DDA1: variants seen among roughly 807,000 people sequenced by gnomAD.
DDA1 encodes the protein DET1 and DDB1 associated 1, also known as DET1- and DDB1-associated protein 1.
A neutral mutation model predicts 18.6 loss-of-function variants in DDA1; 3 were observed. The ratio of observed to expected loss-of-function variants is 0.16; its 90% confidence interval spans 0.07 to 0.42. The LOEUF (loss-of-function observed/expected upper bound fraction) is 0.42. Ranked by LOEUF, DDA1 falls within the 10% of genes least tolerant of loss-of-function variation. The pLI, the probability that DDA1 is intolerant of heterozygous loss-of-function variation, is 0.99. For missense variants in DDA1, 105 were observed against 138.2 expected (o/e 0.76, Z 1.20); for synonymous variants, 52 against 54.0 (o/e 0.96, Z 0.17).
chr19:17,317,668 T>TAAA (rs34303101), intron 4 of DDA1, among the ~76,000 whole-genome samples: 11 of 97,722 alleles, frequency 1.1e-4, no homozygotes, highest in African/African-American at 1.5e-4. Flanking sequence ...ACTCCATCAC[T>TAAA]AAAAAAAAAA....
chr19:17,315,120 C>T (rs1332195942), intron 3 of DDA1, among the ~76,000 whole-genome samples: 3 of 108,992 alleles, frequency 2.8e-5, no homozygotes, highest in African/African-American at 1.6e-4. Flanking sequence ...TATACACACA[C>T]GTATATATAC....
chr19:17,318,332 A>G (rs1251729923), intron 4 of DDA1, among the ~76,000 whole-genome samples: 1 of 152,176 alleles, frequency 6.6e-6, no homozygotes, highest in Non-Finnish European at 1.5e-5. Flanking sequence ...CCTGGGTTCA[A>G]GCGATTCTCC....
chr19:17,319,679 T>C lies in DDA1; in HGVS notation c.*23T>C. 6.5e-7 allele frequency: 1 copy of C among 1,547,370 alleles called. No individual in the cohort carries two copies. The highest frequency in any genetic ancestry group is 1.2e-5 in the South Asian group (1 of 83,914). On this transcript the variant is annotated 3_prime_UTR_variant, in exon 5 of 5. Coordinates refer to ENST00000359866, the MANE Select transcript of DDA1 (RefSeq NM_024050.6). The stretch of plus-strand genomic sequence containing the variant: ...TAAGACTCTCAACTCCACAGGCGCC[T>C]CCTGCCAGGTCTGCTCCTCGGTCGC...
chr19:17,309,580 CGG>C lies in DDA1; in HGVS notation c.-74_-73del. ...GTGGCTGGAAGTTACTGTGAGGCGG[CGG>C]CTAAGAAGGCGGCTCTGGTGGCGGC... On this transcript the variant is annotated 5_prime_UTR_variant, in exon 1 of 5. Coordinates refer to ENST00000359866, the MANE Select transcript of DDA1 (RefSeq NM_024050.6). 3.4e-6 allele frequency: 5 copies of C among 1,482,702 alleles called. No homozygotes were observed. Among genetic ancestry groups the C allele is most frequent in the Non-Finnish European group, 3.8e-6 (4 of 1,064,236 alleles). 91.8% of individuals were successfully genotyped at this position (1,482,702 alleles called of 1,614,324 possible).
intron 4 of DDA1, among the ~76,000 whole-genome samples, chr19:17,318,566 C>G (rs1220726787): frequency 3.9e-5 from 6 of 151,958 alleles, no homozygotes; most frequent in Admixed American, 3.9e-4. Flanking sequence ...AGGGTTTCTC[C>G]ATGTTGGCCA....
chr19:17,314,174 C>A lies in DDA1; in HGVS notation c.84+71C>A. 10 of 1,573,796 alleles carry A rather than the reference C, an allele frequency of 6.4e-6. No homozygotes were observed. The highest frequency in any genetic ancestry group is 8.7e-6 in the Non-Finnish European group (10 of 1,144,998). ...GGGCCTGGGGGCAGCTTGTGTCCCC[C>A]GATTGGGGTCTTGGCTGGAACAGAG... On this transcript the variant is annotated intron_variant, in intron 2 of 4. Transcript: ENST00000359866. This position sits in a 1 kb window ranked among gnomAD's most constrained non-coding sequence, Gnocchi z 4.6.
rs1226627003 is a variant in DDA1 at position 17,321,815 on chromosome 19, C to T, written c.*2159C>T. 1 of 152,508 alleles carries T rather than the reference C, an allele frequency of 6.6e-6. No individual in the cohort carries two copies. Among genetic ancestry groups the T allele is most frequent in the Non-Finnish European group, 1.5e-5 (1 of 68,256 alleles). 9.4% of individuals were successfully genotyped at this position (152,508 alleles called of 1,614,324 possible). On this transcript the variant is annotated 3_prime_UTR_variant, in exon 5 of 5. Coordinates refer to ENST00000359866, the MANE Select transcript of DDA1 (RefSeq NM_024050.6). ...ACAGCACAGCCACCCTGCTGTACCT[C>T]CCAGCTCCCGGCAGTGTCTACACCA...
intron 3 of DDA1, among the ~76,000 whole-genome samples, chr19:17,315,211 A>G (rs563833361): frequency 2.8e-5 from 1 of 35,246 alleles, no homozygotes; most frequent in Admixed American, 1.9e-4. Flanking sequence ...ACACACGTGT[A>G]TATACACACA....
chr19:17,319,774 G>A lies in DDA1; in HGVS notation c.*118G>A, dbSNP rs1215359403. On this transcript the variant is annotated 3_prime_UTR_variant, in exon 5 of 5. Transcript: ENST00000359866. ...CCCTGCCGGCCCATCCACACCCTGCGTCCACACCACTTCCAACCTCATAGG... is the reference window on the plus strand; with the variant it reads ...CCCTGCCGGCCCATCCACACCCTGCATCCACACCACTTCCAACCTCATAGG... 6 of 762,264 alleles carry A rather than the reference G, an allele frequency of 7.9e-6. No individual in the cohort carries two copies. The highest frequency in any genetic ancestry group is 3.5e-5 in the African/African-American group (2 of 56,740). 47.2% of individuals were successfully genotyped at this position (762,264 alleles called of 1,614,324 possible).
rs2074237159 is a variant in DDA1 at position 17,320,927 on chromosome 19, C to T, written c.*1271C>T. On this transcript the variant is annotated 3_prime_UTR_variant, in exon 5 of 5. Transcript: ENST00000359866. ...GGGGCTGGGGGAACACCGCTTCTCC[C>T]CTTATTGCCCCCACTGGTGGTGGTG... 3 of 152,344 alleles carry T rather than the reference C, an allele frequency of 2.0e-5. No homozygotes were observed. The highest frequency in any genetic ancestry group is 2.0e-4 in the Admixed American group (3 of 15,282). 9.4% of individuals were successfully genotyped at this position (152,344 alleles called of 1,614,324 possible).
chr19:17,313,520 G>A (rs112536831), intron 1 of DDA1, among the ~76,000 whole-genome samples: 12,626 of 140,620 alleles, frequency 0.09, 597 homozygotes, highest in Non-Finnish European at 0.11. Flanking sequence ...ATGGCTCACT[G>A]CAACCTCTGC....
At chr19:17,318,212 C>A (rs897608051) in intron 4 of DDA1, among the ~76,000 whole-genome samples, 3 of 150,990 alleles carry the variant, frequency 2.0e-5, no homozygotes, top group African/African-American at 7.3e-5. Context: ...GCCACCATGC[C>A]CAGCTAATTT....
Position 17,314,383 on chromosome 19 carries a change from G to C in DDA1, c.130G>C (p.Glu44Gln). 1 of 1,614,268 alleles carries C rather than the reference G, an allele frequency of 6.2e-7. No homozygotes were observed. The highest frequency in any genetic ancestry group is 8.5e-7 in the Non-Finnish European group (1 of 1,180,044). ...CCTGCCTACCCGCGAGTACCCGTCT[G>C]AACAGAGTAAGTGGCCGCTGTCAGT... ...VYLPTREYPS[E>Q]QIIVTEKTNI... is the part of the protein sequence containing the mutation. The change falls in exon 3 of 5, where the codon GAA (glutamate) becomes CAA (glutamine). Residue 44 changes from glutamate (E) to glutamine (Q), a missense_variant. Physicochemically the swap from Glu to Gln is conservative, Grantham distance 29. This residue lies in a region of DDA1 where 43 missense variants were observed against 82.3 expected (regional missense o/e 0.52). Transcript: ENST00000359866. The surrounding 1 kb of genome is among the most constrained non-coding windows in gnomAD (Gnocchi z 4.6).
chr19:17,318,364 T>A (rs911053730), intron 4 of DDA1, among the ~76,000 whole-genome samples: 1 of 152,166 alleles, frequency 6.6e-6, no homozygotes, highest in Non-Finnish European at 1.5e-5. Context: ...CCCGAGTAGC[T>A]GGGATTACAG....
At position 17,322,873 on chromosome 19, in the gene DDA1, G is replaced by C. The variant is rs1555723750; in HGVS notation, c.*3217G>C. 1 of 152,320 alleles carries C rather than the reference G, an allele frequency of 6.6e-6. No homozygotes were observed. The highest frequency in any genetic ancestry group is 1.5e-5 in the Non-Finnish European group (1 of 68,104). 9.4% of individuals were successfully genotyped at this position (152,320 alleles called of 1,614,324 possible). The stretch of plus-strand genomic sequence containing the variant: ...CCCCAGACGATGTTCCAGGAGGCGG[G>C]TGTGCCAGAAGGGGCCACGTCTTGC... On this transcript the variant is annotated 3_prime_UTR_variant, in exon 5 of 5. Transcript: ENST00000359866.
intron 4 of DDA1, among the ~76,000 whole-genome samples, chr19:17,319,274 T>C (rs769133885): frequency 2.6e-5 from 4 of 152,180 alleles, no homozygotes; most frequent in Non-Finnish European, 5.9e-5. Flanking sequence ...GGCCCCCCAC[T>C]GTACTCCAGG....
chr19:17,317,727 T>C (rs1324699796), intron 4 of DDA1, among the ~76,000 whole-genome samples: 4 of 148,654 alleles, frequency 2.7e-5, no homozygotes, highest in African/African-American at 1.0e-4. Flanking sequence ...TAATCCCAGC[T>C]ATTCAGGAGG....
chr19:17,310,366 A>G (rs1484566294), intron 1 of DDA1: 2 of 152,302 alleles, frequency 1.3e-5, no homozygotes, highest in Non-Finnish European at 2.9e-5. Context: ...TCCCCTCATT[A>G]TGAAGTGTGG....
At chr19:17,315,439 T>C (rs1239541993) in intron 3 of DDA1, among the ~76,000 whole-genome samples, 1 of 120,938 alleles carries the variant, frequency 8.3e-6, no homozygotes, top group Non-Finnish European at 1.8e-5. Flanking sequence ...CATATATATA[T>C]ATATATATAT....
Sources: allele counts gnomAD v4.1 joint callset (sites outside exome capture counted in the v4.1 genomes callset), GRCh38; gene constraint gnomAD v4.1.1; regional missense constraint gnomAD v4.1.1; non-coding constraint Gnocchi (gnomAD v3.1); transcripts MANE v1.5; gene names NCBI Gene and HGNC (gene_info 2026-07-23, HGNC 2026-07-21).